The following HTR2C variants were observed in gnomAD, a reference collection of about 807,000 sequenced individuals.
The protein encoded by HTR2C is 5-hydroxytryptamine (serotonin) receptor 2C, G protein-coupled.
In HTR2C, 5 loss-of-function variants were observed where a neutral mutation model predicts 21.0. The ratio of observed to expected loss-of-function variants is 0.24; its 90% confidence interval spans 0.12 to 0.50. The LOEUF (loss-of-function observed/expected upper bound fraction) is 0.50, where lower values mean the gene tolerates loss of function less well. Ranked by LOEUF, HTR2C falls within the 20% of genes least tolerant of loss-of-function variation. HTR2C has a pLI of 0.98. For missense variants in HTR2C, 271 were observed against 371.2 expected (o/e 0.73, Z 2.22); for synonymous variants, 150 against 145.3 (o/e 1.03, Z -0.23).
rs782006422 is a variant in HTR2C, at chrX:114,724,153, G to A, written c.-79-2705G>A. On this transcript the variant is annotated intron_variant, in intron 2 of 5. Coordinates refer to ENST00000276198, the MANE Select transcript of HTR2C (RefSeq NM_000868.4). ...CCATTATTATTGTGTGGGAGTCTAA[G>A]TCTCTTTGTAGGTCACTCAAGACTT... 5.9e-5 allele frequency among the ~76,000 whole-genome samples: 6 copies of A among 101,011 alleles called. No homozygotes were observed. The East Asian group carries it at 1.7e-3, about 28-fold the overall frequency. 87.7% of individuals were successfully genotyped at this position (101,011 alleles called of 115,157 possible).
chrX:114,604,676 G>T (rs1928317112), intron 1 of HTR2C, among the ~76,000 whole-genome samples: 1 of 111,067 alleles, frequency 9.0e-6, no homozygotes, highest in Admixed American at 9.5e-5. Context: ...GATTTTCAGT[G>T]GGGTCCCACA....
chrX:114,807,485 TC>T (rs1481275870), intron 4 of HTR2C, among the ~76,000 whole-genome samples: 11 of 82,859 alleles, frequency 1.3e-4, no homozygotes, highest in African/African-American at 5.2e-4. Context: ...TATATATACA[TC>T]ATATATATAC....
chrX:114,635,076 C>T (rs1929789696), intron 2 of HTR2C, among the ~76,000 whole-genome samples: 2 of 111,260 alleles, frequency 1.8e-5, no homozygotes, highest in Non-Finnish European at 3.8e-5. Context: ...ATTTTTAACT[C>T]TCAAAAGTGT....
chrX:114,717,684 T>C (rs923154351), intron 2 of HTR2C: 2 of 111,966 alleles, frequency 1.8e-5, no homozygotes, highest in African/African-American at 6.5e-5. Flanking sequence ...AAGGTAATGG[T>C]AAAAATGAAT....
intron 4 of HTR2C, among the ~76,000 whole-genome samples, chrX:114,734,597 A>G (rs1446149043): frequency 9.8e-6 from 1 of 101,563 alleles, no homozygotes; most frequent in African/African-American, 3.5e-5. Context: ...AAAAAAGACA[A>G]AACAAAGCAA....
chrX:114,759,157 C>T (rs782297850), intron 4 of HTR2C, among the ~76,000 whole-genome samples: 1 of 111,852 alleles, frequency 8.9e-6, no homozygotes, highest in Non-Finnish European at 1.9e-5. Flanking sequence ...ATTAAATTTC[C>T]TCTTTTATAT....
chrX:114,742,912 A>AT (rs1224448611), intron 4 of HTR2C, among the ~76,000 whole-genome samples: 92 of 52,271 alleles, frequency 1.8e-3, no homozygotes, highest in African/African-American at 6.2e-3. Context: ...CCAGAGTGTG[A>AT]TATTCCCCTT....
At chrX:114,828,108 A>T (rs1265480687) in intron 4 of HTR2C, among the ~76,000 whole-genome samples, 1 of 111,134 alleles carries the variant, frequency 9.0e-6, no homozygotes, top group African/African-American at 3.3e-5. Flanking sequence ...ATTGTCCCAC[A>T]GATCCCCACT....
chrX:114,799,886 G>C (rs1556446355), intron 4 of HTR2C, among the ~76,000 whole-genome samples: 3 of 111,049 alleles, frequency 2.7e-5, no homozygotes, highest in Non-Finnish European at 5.7e-5. Flanking sequence ...TGCTAAACTA[G>C]AGGTATACAC....
intron 1 of HTR2C, among the ~76,000 whole-genome samples, chrX:114,604,578 G>A (rs1215332476): frequency 9.0e-6 from 1 of 110,958 alleles, no homozygotes; most frequent in Non-Finnish European, 1.9e-5. Context: ...CCGCTAATCC[G>A]AGAAGATCTG....
At chrX:114,791,614 C>T (rs868932961) in intron 4 of HTR2C, among the ~76,000 whole-genome samples, 21 of 110,873 alleles carry the variant, frequency 1.9e-4, no homozygotes, top group African/African-American at 5.2e-4. Context: ...CAATATTTGC[C>T]AATTAGAGAT....
intron 1 of HTR2C, among the ~76,000 whole-genome samples, chrX:114,607,965 C>T (rs1265289601): frequency 9.0e-6 from 1 of 111,067 alleles, no homozygotes; most frequent in Non-Finnish European, 1.9e-5. Context: ...CCAACCTGGG[C>T]AACAGAAAGA....
At chrX:114,739,707 C>A (rs2069626005) in intron 4 of HTR2C, among the ~76,000 whole-genome samples, 1 of 111,624 alleles carries the variant, frequency 9.0e-6, no homozygotes, top group African/African-American at 3.3e-5. Flanking sequence ...TTGCAAAGGG[C>A]TAATATCTCT....
chrX:114,746,269 T>C (rs2069702932), intron 4 of HTR2C, among the ~76,000 whole-genome samples: 2 of 111,803 alleles, frequency 1.8e-5, no homozygotes, highest in Admixed American at 1.9e-4. Context: ...TATCATGTTA[T>C]GAGACCAGGA....
chrX:114,701,817 A>C (rs1399080558), intron 2 of HTR2C, among the ~76,000 whole-genome samples: 2 of 111,799 alleles, frequency 1.8e-5, no homozygotes, highest in Non-Finnish European at 3.8e-5. Context: ...TTTGAAAAAA[A>C]TTTAGACGAA....
chrX:114,700,855 C>T (rs1932449995), intron 2 of HTR2C, among the ~76,000 whole-genome samples: 1 of 112,382 alleles, frequency 8.9e-6, no homozygotes, highest in African/African-American at 3.2e-5. Context: ...CACTCCCACC[C>T]CAATACTGCG....
At chrX:114,821,718 G>A (rs1298552843) in intron 4 of HTR2C, among the ~76,000 whole-genome samples, 1 of 110,946 alleles carries the variant, frequency 9.0e-6, no homozygotes, top group African/African-American at 3.3e-5. Flanking sequence ...ACTATAAAAA[G>A]CAGTATTCAA....
chrX:114,836,239 T>TCGAG (rs2070781224), intron 4 of HTR2C, among the ~76,000 whole-genome samples: 1 of 110,970 alleles, frequency 9.0e-6, no homozygotes, highest in African/African-American at 3.3e-5. Flanking sequence ...TCCACCCAGT[T>TCGAG]CGAGCTTCCT....
At chrX:114,873,841 A>G (rs1377230217) in intron 5 of HTR2C, among the ~76,000 whole-genome samples, 1 of 111,395 alleles carries the variant, frequency 9.0e-6, no homozygotes, top group Non-Finnish European at 1.9e-5. Flanking sequence ...AATTTCAAGT[A>G]TACAAGTGTT....
Sources: allele counts gnomAD v4.1 joint callset (sites outside exome capture counted in the v4.1 genomes callset), GRCh38; gene constraint gnomAD v4.1.1; transcripts MANE v1.5; gene names NCBI Gene and HGNC (gene_info 2026-07-23, HGNC 2026-07-21).